Variants in MYO10 observed in about 807,000 individuals in gnomAD.
MYO10 encodes the protein myosin X.
A neutral mutation model predicts 257.3 loss-of-function variants in MYO10; 133 were observed. That is an observed-to-expected ratio of 0.52 (90% confidence interval 0.45 to 0.60). The LOEUF (loss-of-function observed/expected upper bound fraction) is 0.60. MYO10 is among the 20% of genes least tolerant of loss of function. The pLI, the probability that MYO10 is intolerant of heterozygous loss-of-function variation, is 0.00. For synonymous variants in MYO10, 1,104 were observed against 1,028.6 expected (o/e 1.07, Z -1.40); for missense variants, 2,399 against 2,635.7 (o/e 0.91, Z 1.97).
rs182870605 is a variant in MYO10 at position 16,719,267 on chromosome 5, C to T, written c.1930-8022G>A. On this transcript the variant is annotated intron_variant, in intron 19 of 40. Coordinates refer to ENST00000513610, the MANE Select transcript of MYO10 (RefSeq NM_012334.3). ...CCACCTTAAGAGCTGTAACACTCAC[C>T]GCGAGGGTCCGCGGCTTCATTCTTG... Among the ~76,000 whole-genome samples, 89 of 152,218 alleles carry T rather than the reference C, an allele frequency of 5.8e-4. 2 individuals are homozygous for T. The highest frequency in any genetic ancestry group is 4.5e-3 in the Admixed American group (69 of 15,302).
intron 2 of MYO10, among the ~76,000 whole-genome samples, chr5:16,837,196 G>A (rs535974498): frequency 6.6e-6 from 1 of 152,194 alleles, no homozygotes; most frequent in South Asian, 2.1e-4. Flanking sequence ...TGTAATCCCA[G>A]CTACTTGGGA....
At chr5:16,798,140 G>C (rs548983355) in intron 3 of MYO10, among the ~76,000 whole-genome samples, 36 of 152,274 alleles carry the variant, frequency 2.4e-4, no homozygotes, top group Middle Eastern at 3.4e-3. Flanking sequence ...CCAGATGCCA[G>C]CGCCATGCTC....
At chr5:16,787,765 G>A (rs1454517278) in intron 4 of MYO10, among the ~76,000 whole-genome samples, 2 of 152,110 alleles carry the variant, frequency 1.3e-5, no homozygotes, top group Non-Finnish European at 2.9e-5. Flanking sequence ...CTAAGCAGGA[G>A]AGTGTCATGA....
intron 9 of MYO10, among the ~76,000 whole-genome samples, chr5:16,778,912 A>G (rs9791093): frequency 0.53 from 80,625 of 151,654 alleles, 21,979 homozygotes; most frequent in Non-Finnish European, 0.6. Flanking sequence ...GGATGGTCTC[A>G]ATCTCCTGAC....
At chr5:16,715,576 AGGC>A (rs575816908) in intron 19 of MYO10, among the ~76,000 whole-genome samples, 3 of 151,070 alleles carry the variant, frequency 2.0e-5, no homozygotes, top group South Asian at 2.1e-4. Context: ...CTGGGATTAC[AGGC>A]ATGAGCCACC....
intron 3 of MYO10, among the ~76,000 whole-genome samples, chr5:16,801,912 A>T (rs1172446175): frequency 6.6e-6 from 1 of 152,250 alleles, no homozygotes; most frequent in Non-Finnish European, 1.5e-5. Flanking sequence ...GATACAAAAA[A>T]TGTGGCACAT....
Position 16,792,607 on chromosome 5 carries a change from T to C in MYO10, c.467+2039A>G, listed in dbSNP as rs1182574883. Among the ~76,000 whole-genome samples, 3 of 151,782 alleles carry C rather than the reference T, an allele frequency of 2.0e-5. No homozygotes were observed. In the South Asian group the frequency reaches 6.2e-4, roughly 32 times the overall value. ...GCGGGGGGCGGGGGGCTGCTCTAAG[T>C]GCTCTGGGGTGAAAGGAGAAAGGCA... On this transcript the variant is annotated intron_variant, in intron 4 of 40. Coordinates refer to ENST00000513610, the MANE Select transcript of MYO10 (RefSeq NM_012334.3).
In MYO10 at chr5:16,794,756, C is replaced by T. The variant is rs767730855; in HGVS notation, c.357G>A (p.Glu119=). Residue 119 remains glutamate (E), a synonymous_variant, in exon 4 of 41, where the codon GAG becomes GAA. Transcript: ENST00000513610. ...IAGLYEPATM[E]QYSRRHLGEL... is the part of the protein sequence containing the mutation. ...CGCCCAGGTGGCGCCGGCTGTACTG[C>T]TCCATGGTGGCAGGCTCGTACAGCC... The T allele has an allele frequency of 6.2e-7, 1 of 1,611,854 alleles. No individual in the cohort carries two copies. Among genetic ancestry groups the T allele is most frequent in the South Asian group, 1.1e-5 (1 of 90,590 alleles).
intron 21 of MYO10, among the ~76,000 whole-genome samples, chr5:16,704,933 A>G (rs554032269): frequency 1.3e-5 from 2 of 152,362 alleles, no homozygotes; most frequent in African/African-American, 2.4e-5. Context: ...AGTGCCTTTT[A>G]TGGTTATTGT....
chr5:16,883,602 C>T (rs1744817296), intron 1 of MYO10, among the ~76,000 whole-genome samples: 1 of 152,160 alleles, frequency 6.6e-6, no homozygotes, highest in Admixed American at 6.5e-5. Context: ...CCATTCATCA[C>T]CTATTATCTA....
rs571999583 is a variant in MYO10 at position 16,826,131 on chromosome 5, T to C, written c.121-7964A>G. On this transcript the variant is annotated intron_variant, in intron 2 of 40. Transcript: ENST00000513610. ...CCACTGCACTCCAGCCTGGGTGATA[T>C]AGAATGAGACTCAGTCTCGAAAAAC... Among the ~76,000 whole-genome samples, 14 of 151,280 alleles carry C rather than the reference T, an allele frequency of 9.3e-5. No individual in the cohort carries two copies. The East Asian group carries it at 1.2e-3, about 13-fold the overall frequency.
intron 19 of MYO10, among the ~76,000 whole-genome samples, chr5:16,750,135 T>TC (rs1252281416): frequency 6.6e-6 from 1 of 152,132 alleles, no homozygotes; most frequent in Non-Finnish European, 1.5e-5. Flanking sequence ...CTGAAAACTC[T>TC]AAGTTCAGAG....
intron 2 of MYO10, among the ~76,000 whole-genome samples, chr5:16,850,065 T>C (rs1743754258): frequency 6.6e-6 from 1 of 152,220 alleles, no homozygotes; most frequent in Non-Finnish European, 1.5e-5. Context: ...GGAATTTCTA[T>C]AAGACAAAGA....
At chr5:16,778,092 C>T (rs1741277337) in intron 9 of MYO10, among the ~76,000 whole-genome samples, 1 of 151,806 alleles carries the variant, frequency 6.6e-6, no homozygotes, top group Admixed American at 6.6e-5. Context: ...CCTCGTGATC[C>T]GCCTGCCTCA....
intron 19 of MYO10, among the ~76,000 whole-genome samples, chr5:16,730,506 TA>T (rs1443294069): frequency 2.0e-5 from 3 of 152,302 alleles, no homozygotes; most frequent in Non-Finnish European, 4.4e-5. Context: ...GTATATAGTT[TA>T]AAACTCTTCA....
chr5:16,781,912 T>C, intron 5 of MYO10, 83 bp from the exon 6 acceptor site: 1 of 1,490,594 alleles, frequency 6.7e-7, no homozygotes, highest in East Asian at 2.3e-5. Context: ...AATGTCAAAA[T>C]ATACAACTGC....
At chr5:16,708,515 G>A (rs1738447938) in intron 21 of MYO10, among the ~76,000 whole-genome samples, 1 of 152,140 alleles carries the variant, frequency 6.6e-6, no homozygotes, top group South Asian at 2.1e-4. Flanking sequence ...GATCTCTAAT[G>A]TTACTCCACT....
Position 16,766,089 on chromosome 5 carries a change from A to G in MYO10, c.1170T>C (p.Asn390=). Residue 390 remains asparagine (N), a synonymous_variant, in exon 11 of 41, where the codon AAT becomes AAC. Coordinates refer to ENST00000513610, the MANE Select transcript of MYO10 (RefSeq NM_012334.3). ...LRGEEILTPL[N]VQQAVDSRDS... is the part of the protein sequence containing the mutation. ...GGCAAAGCGTGTGTACCTGTTGAACATTGAGAGGCGTGAGGATCTCTTCTC... is the reference window on the plus strand; with the variant it reads ...GGCAAAGCGTGTGTACCTGTTGAACGTTGAGAGGCGTGAGGATCTCTTCTC... 9 of 1,608,344 alleles carry G rather than the reference A, an allele frequency of 5.6e-6. No individual in the cohort carries two copies. The highest frequency in any genetic ancestry group is 7.7e-6 in the Non-Finnish European group (9 of 1,174,752).
chr5:16,797,439 A>G lies in MYO10; in HGVS notation c.280-2606T>C, dbSNP rs112157507. Among the ~76,000 whole-genome samples the G allele has an allele frequency of 5.9e-5, 9 of 152,354 alleles. 2 individuals are homozygous for G. The highest frequency in any genetic ancestry group is 2.2e-4 in the African/African-American group (9 of 41,574). On this transcript the variant is annotated intron_variant, in intron 3 of 40. Transcript: ENST00000513610. ...GATTTAAAAAAAGGTTAAAAACATA[A>G]AAGATATTACCATATGACCCAGCGA...
Sources: allele counts gnomAD v4.1 joint callset (sites outside exome capture counted in the v4.1 genomes callset), GRCh38; gene constraint gnomAD v4.1.1; transcripts MANE v1.5; gene names NCBI Gene and HGNC (gene_info 2026-07-23, HGNC 2026-07-21).